Variants in CFAP74 observed in about 807,000 individuals in gnomAD.
CFAP74 encodes cilia and flagella associated protein 74, also known as cilia- and flagella-associated protein 74.
CFAP74 carries 124 observed loss-of-function variants against 188.9 expected under a neutral mutation model. That is an observed-to-expected ratio of 0.66 (90% CI 0.57 to 0.76). The LOEUF (loss-of-function observed/expected upper bound fraction) is 0.76. Among genes scored for constraint, CFAP74 ranks in the 30% least tolerant of loss-of-function variants. The pLI, the probability that CFAP74 is intolerant of heterozygous loss-of-function variation, is 0.00. For missense variants in CFAP74, 2,198 were observed against 2,165.2 expected, an observed-to-expected ratio of 1.02 and a Z score of -0.30; for synonymous variants, 956 against 916.7, an observed-to-expected ratio of 1.04 and a Z score of -0.77.
At chr1:1,981,947 C>T (rs564910055) in intron 6 of CFAP74, among the ~76,000 whole-genome samples, 3 of 101,812 alleles carry the variant, frequency 2.9e-5, no homozygotes, top group Non-Finnish European at 3.9e-5. Flanking sequence ...CACGGGGGCA[C>T]GCAGGACACA....
At chr1:1,926,555 A>C in intron 30 of CFAP74, 43 bp from the exon 31 acceptor site, 2 of 1,549,202 alleles carry the variant, frequency 1.3e-6, no homozygotes, top group Non-Finnish European at 1.7e-6. Flanking sequence ...CCCAGGCCCC[A>C]GGGAGCGTCT....
rs1656207142 is a variant in CFAP74 at position 1,973,103 on chromosome 1, C to T, written c.675-56G>A. 7.6e-7 allele frequency: 1 copy of T among 1,311,434 alleles called. No homozygotes were observed. Among genetic ancestry groups the T allele is most frequent in the East Asian group, 2.4e-5 (1 of 41,312 alleles). 81.2% of individuals were successfully genotyped at this position (1,311,434 alleles called of 1,614,324 possible). Reference sequence around the variant, plus strand: ...CTCGGCATCACACGTCCCATCTGCCCCCAAGCCCTGCACGGCTGGAGCTCG... The same window carrying T: ...CTCGGCATCACACGTCCCATCTGCCTCCAAGCCCTGCACGGCTGGAGCTCG... On this transcript the variant is annotated intron_variant, in intron 7 of 38. Transcript: ENST00000682832. This position sits in a 1 kb window ranked among gnomAD's most constrained non-coding sequence, Gnocchi z 6.2.
In CFAP74 at chr1:1,968,798, T is replaced by C; in HGVS notation, c.1082A>G (p.Glu361Gly). 1 of 1,614,100 alleles carries C rather than the reference T, an allele frequency of 6.2e-7. No homozygotes were observed. The change falls in exon 11 of 39, where the codon GAG becomes GGG. Residue 361 changes from glutamate (E) to glycine (G), a missense_variant. Glu to Gly is a moderately conservative substitution (Grantham distance 98). Coordinates refer to ENST00000682832, the MANE Select transcript of CFAP74 (RefSeq NM_001304360.2). The surrounding 1 kb of genome is among the most constrained non-coding windows in gnomAD (Gnocchi z 4.3). ...CTCTTTCAGAATCCGACTGATGATCTCCTGCTTTCTGAGCTTCTGCTCCTC... is the reference window on the plus strand; with the variant it reads ...CTCTTTCAGAATCCGACTGATGATCCCCTGCTTTCTGAGCTTCTGCTCCTC... ...FEEEQKLRKQEIISRILKEEA... is the reference protein window; with the variant it reads ...FEEEQKLRKQGIISRILKEEA...
Position 1,960,961 on chromosome 1 carries a change from C to T in CFAP74, c.1695-931G>A, listed in dbSNP as rs183310635. 7.9e-5 allele frequency among the ~76,000 whole-genome samples: 12 copies of T among 152,234 alleles called. No homozygotes were observed. The South Asian group carries it at 8.3e-4, about 11-fold the overall frequency. On this transcript the variant is annotated intron_variant, in intron 14 of 38. Transcript: ENST00000682832. Reference sequence around the variant, plus strand: ...AGAGACAGAAATAGAGAATTCCAGACGTGAGAAAAGAACAAGACACTGTCA... The same window carrying T: ...AGAGACAGAAATAGAGAATTCCAGATGTGAGAAAAGAACAAGACACTGTCA...
Position 1,968,907 on chromosome 1 carries a change from G to A in CFAP74, c.1047-74C>T, listed in dbSNP as rs911356249. On this transcript the variant is annotated intron_variant, in intron 10 of 38. Transcript: ENST00000682832. This position sits in a 1 kb window ranked among gnomAD's most constrained non-coding sequence, Gnocchi z 4.3. ...CCTTGCCCCAGATGAGACAGTGCCCGGCGGCCCCTCCCTAGCGCCCTCCTG... is the reference window on the plus strand; with the variant it reads ...CCTTGCCCCAGATGAGACAGTGCCCAGCGGCCCCTCCCTAGCGCCCTCCTG... The A allele has an allele frequency of 5.3e-5, 76 of 1,435,316 alleles. No homozygotes were observed. Among genetic ancestry groups the A allele is most frequent in the Non-Finnish European group, 7.1e-5 (74 of 1,037,466 alleles). The allele number at this position is 1,435,316 out of a possible 1,614,324, so 88.9% of individuals were successfully genotyped here.
At chr1:1,969,023 G>A (rs1655691818) in intron 10 of CFAP74, among the ~76,000 whole-genome samples, 190 bp from the exon 11 acceptor site, 1 of 151,962 alleles carries the variant, frequency 6.6e-6, no homozygotes, top group African/African-American at 2.4e-5. Context: ...CTACCCAGCA[G>A]GGCTCTTGGG....
intron 25 of CFAP74, among the ~76,000 whole-genome samples, chr1:1,936,132 G>A (rs1201409319): frequency 3.3e-5 from 5 of 151,240 alleles, no homozygotes; most frequent in Non-Finnish European, 7.4e-5. Context: ...CAGGAGAATC[G>A]CTTGAACCTG....
chr1:1,926,829 G>C (rs371185017), intron 29 of CFAP74, 65 bp downstream of exon 29: 9 of 1,549,148 alleles, frequency 5.8e-6, no homozygotes, highest in Non-Finnish European at 4.4e-6. Context: ...CCAGAGTTGG[G>C]CAGTAGCAGA....
intron 19 of CFAP74, 89 bp downstream of exon 19, chr1:1,946,901 G>T: frequency 9.7e-7 from 1 of 1,031,860 alleles, no homozygotes; most frequent in Non-Finnish European, 1.4e-6. Context: ...TAGCAGTGAG[G>T]GCCAGTGGGT....
rs1268394724 is a variant in CFAP74 at position 1,986,983 on chromosome 1, C to G, written c.349G>C (p.Glu117Gln). ...GTGGCGATCTCGGCTGCCACAGCCT[C>G]CTGCTGCTTGTCGATCAGGTCCCGC... ...QRRDLIDKQQ[E>Q]AVAAEIATEE... is the part of the protein sequence containing the mutation. Residue 117 changes from glutamate to glutamine, a missense_variant, in exon 5 of 39, where the codon GAG becomes CAG. Coordinates refer to ENST00000682832, the MANE Select transcript of CFAP74 (RefSeq NM_001304360.2). The G allele has an allele frequency of 1.9e-6, 3 of 1,602,062 alleles. No individual in the cohort carries two copies. Among genetic ancestry groups the G allele is most frequent in the Non-Finnish European group, 2.5e-6 (3 of 1,179,744 alleles).
chr1:1,986,914 G>GC, intron 5 of CFAP74, 23 bp downstream of exon 5: 1 of 1,590,874 alleles, frequency 6.3e-7, no homozygotes, highest in Non-Finnish European at 8.5e-7. Flanking sequence ...CCGGTTCCCT[G>GC]CCCCCTGGCG....
At chr1:1,955,588 T>A in intron 18 of CFAP74, 103 bp downstream of exon 18, 1 of 1,611,568 alleles carries the variant, frequency 6.2e-7, no homozygotes, top group Non-Finnish European at 8.5e-7. Context: ...CTAGGAAAAT[T>A]CTCTACTTTC....
At position 1,956,605 on chromosome 1, in the gene CFAP74, G is replaced by A; in HGVS notation, c.2016+15C>T. ...CAGGTCCCCACACTCCCCCATGGCT[G>A]AGTGGCACACTCACTAATTTCAGGG... On this transcript the variant is annotated intron_variant, in intron 17 of 38. Transcript: ENST00000682832. 6.2e-7 allele frequency: 1 copy of A among 1,614,084 alleles called. No individual in the cohort carries two copies. Among genetic ancestry groups the A allele is most frequent in the Non-Finnish European group, 8.5e-7 (1 of 1,179,998 alleles).
At chr1:1,963,957 G>T in intron 13 of CFAP74, 90 bp from the exon 14 acceptor site, 1 of 821,500 alleles carries the variant, frequency 1.2e-6, no homozygotes, top group Non-Finnish European at 2.1e-6. Flanking sequence ...GTAACCGCTG[G>T]TGAGCATTTG....
In CFAP74 at chr1:1,972,005, A is replaced by T; in HGVS notation, c.863T>A (p.Leu288Gln). 1 of 1,611,852 alleles carries T rather than the reference A, an allele frequency of 6.2e-7. No homozygotes were observed. The highest frequency in any genetic ancestry group is 8.5e-7 in the Non-Finnish European group (1 of 1,179,862). The change falls in exon 9 of 39, where the codon CTG (leucine) becomes CAG (glutamine). Residue 288 changes from leucine to glutamine, a missense_variant. Physicochemically the swap from Leu to Gln is moderately radical, Grantham distance 113. Coordinates refer to ENST00000682832, the MANE Select transcript of CFAP74 (RefSeq NM_001304360.2). ...CCGGTTCGCGGAGATGCTGCCCTTC[A>T]GCGCCACCACCGCATCCATGCGTCG... ...MRRRMDAVVA[L>Q]KGSISANRDT...
intron 1 of CFAP74, among the ~76,000 whole-genome samples, chr1:1,993,819 A>G (rs984980234): frequency 1.9e-5 from 2 of 105,704 alleles, no homozygotes; most frequent in African/African-American, 7.0e-5. Context: ...CACCTCTACT[A>G]AAAATACAAA....
chr1:1,922,416 GC>G (rs774302832), intron 38 of CFAP74, 28 bp from the exon 39 acceptor site: 1 of 1,591,418 alleles, frequency 6.3e-7, no homozygotes, highest in Admixed American at 1.8e-5. Context: ...GGGAGAAGAG[GC>G]CTTCAGTCAG....
rs193194504 is a variant in CFAP74, at chr1:1,973,960, G to A, written c.674+65C>T. The A allele has an allele frequency of 3.8e-4, 533 of 1,414,852 alleles. 6 individuals are homozygous for A. In the East Asian group the frequency reaches 0.013, roughly 34 times the overall value. 87.6% of individuals were successfully genotyped at this position (1,414,852 alleles called of 1,614,324 possible). ...AGGCTGAATCTGGAGACCCCTGGGG[G>A]AGAGGGCGGAGGGGCTGGCAGAAGC... is the stretch of plus-strand genomic sequence containing the variant. On this transcript the variant is annotated intron_variant, in intron 7 of 38. Coordinates refer to ENST00000682832, the MANE Select transcript of CFAP74 (RefSeq NM_001304360.2). This position sits in a 1 kb window ranked among gnomAD's most constrained non-coding sequence, Gnocchi z 6.2.
chr1:1,969,624 C>T (rs1356206152), intron 10 of CFAP74, among the ~76,000 whole-genome samples: 1 of 152,250 alleles, frequency 6.6e-6, no homozygotes, highest in Non-Finnish European at 1.5e-5. Flanking sequence ...CTCACTGCAG[C>T]TGCACTTCCC....
Sources: allele counts gnomAD v4.1 joint callset (sites outside exome capture counted in the v4.1 genomes callset), GRCh38; gene constraint gnomAD v4.1.1; non-coding constraint Gnocchi (gnomAD v3.1); transcripts MANE v1.5; gene names NCBI Gene and HGNC (gene_info 2026-07-23, HGNC 2026-07-21).